The following TRA2A variants were observed in gnomAD, a reference collection of about 807,000 sequenced individuals.
TRA2A encodes transformer 2 alpha homolog.
Under a neutral mutation model 45.7 loss-of-function variants are expected in TRA2A, and 31 were observed. That is an observed-to-expected ratio of 0.68 (90% CI 0.51 to 0.92). TRA2A has a LOEUF of 0.92. TRA2A is among the 40% of genes least tolerant of loss of function. The probability of loss-of-function intolerance (pLI) is 0.00; values close to 1 mark genes in which losing one functional copy is unlikely to be tolerated. For synonymous variants in TRA2A, 132 were observed against 126.2 expected, an observed-to-expected ratio of 1.05 and a Z score of -0.31; for missense variants, 304 against 367.5, an observed-to-expected ratio of 0.83 and a Z score of 1.41.
At chr7:23,513,228 G>A in intron 3 of TRA2A, 146 bp from the exon 4 acceptor site, 1 of 621,988 alleles carries the variant, frequency 1.6e-6, no homozygotes, top group South Asian at 2.5e-5. Context: ...GAGAACTAGA[G>A]CAGATGAGCC....
chr7:23,525,784 C>T (rs763641024), intron 1 of TRA2A, among the ~76,000 whole-genome samples: 6 of 152,182 alleles, frequency 3.9e-5, no homozygotes, highest in East Asian at 3.9e-4. Flanking sequence ...TTAGTAGAGA[C>T]GGGGTTTCAC....
chr7:23,516,003 C>T (rs1033657485), intron 3 of TRA2A, among the ~76,000 whole-genome samples: 1 of 151,936 alleles, frequency 6.6e-6, no homozygotes, highest in Non-Finnish European at 1.5e-5. Context: ...GGTGAAACCC[C>T]ATTTCTAAAA....
At chr7:23,509,311 A>C (rs1188739534) in intron 4 of TRA2A, among the ~76,000 whole-genome samples, 1 of 152,182 alleles carries the variant, frequency 6.6e-6, no homozygotes, top group African/African-American at 2.4e-5. Flanking sequence ...AGTACTTCTT[A>C]CTAAAACAGG....
chr7:23,531,856 A>G lies in TRA2A; in HGVS notation c.-32T>C, dbSNP rs377639677. 1.3e-5 allele frequency: 21 copies of G among 1,613,174 alleles called. No homozygotes were observed. The highest frequency in any genetic ancestry group is 1.4e-5 in the Non-Finnish European group (17 of 1,179,900). On this transcript the variant is annotated 5_prime_UTR_variant, in exon 1 of 8. Coordinates refer to ENST00000297071, the MANE Select transcript of TRA2A (RefSeq NM_013293.5). ...GAGGCGCTCCCCAGAACTAAATAAG[A>G]GACAAGTCTCGGCTCGAGGGCCGAT...
At chr7:23,522,856 C>A (rs1790190374) in intron 1 of TRA2A, among the ~76,000 whole-genome samples, 2 of 152,046 alleles carry the variant, frequency 1.3e-5, no homozygotes. Context: ...TAGAGCAAGG[C>A]ATCCCAGGCT....
chr7:23,516,654 G>T, intron 2 of TRA2A, 126 bp from the exon 3 acceptor site: 2 of 778,428 alleles, frequency 2.6e-6, no homozygotes, highest in South Asian at 1.9e-5. Flanking sequence ...CTGAGGAAAG[G>T]GTATTCTTCC....
At chr7:23,531,626 G>C (rs1348533023) in intron 1 of TRA2A, 163 bp downstream of exon 1, 3 of 693,750 alleles carry the variant, frequency 4.3e-6, no homozygotes, top group Admixed American at 5.4e-5. Flanking sequence ...TTTGGGGAAG[G>C]AGTGGAACCC....
At chr7:23,528,327 C>T (rs1790424348) in intron 1 of TRA2A, among the ~76,000 whole-genome samples, 2 of 151,704 alleles carry the variant, frequency 1.3e-5, no homozygotes, top group Admixed American at 1.3e-4. Context: ...TCTGCCTCAC[C>T]CTCCCGAGTA....
At chr7:23,528,018 C>G (rs1287531917) in intron 1 of TRA2A, among the ~76,000 whole-genome samples, 2 of 151,988 alleles carry the variant, frequency 1.3e-5, no homozygotes, top group African/African-American at 4.8e-5. Flanking sequence ...ATAGATTAAA[C>G]CCAAGACTCT....
At chr7:23,524,236 T>C (rs978041731) in intron 1 of TRA2A, among the ~76,000 whole-genome samples, 1 of 151,992 alleles carries the variant, frequency 6.6e-6, no homozygotes, top group Non-Finnish European at 1.5e-5. Flanking sequence ...CAGGCTGGAG[T>C]GTAATGGTGC....
chr7:23,511,374 A>C, intron 4 of TRA2A, among the ~76,000 whole-genome samples: 1 of 14,162 alleles, frequency 7.1e-5, no homozygotes, highest in Non-Finnish European at 1.3e-4. Flanking sequence ...CCATCTCAAA[A>C]AAAAAAAAAA....
chr7:23,512,789 AAAAAAAGGAAG>A, intron 4 of TRA2A, 94 bp downstream of exon 4: 1 of 991,384 alleles, frequency 1.0e-6, no homozygotes, highest in Non-Finnish European at 1.4e-6. Context: ...AAAAAAAAAG[AAAAAAAGGAAG>A]AAAAAAGGAT....
chr7:23,518,562 C>T (rs191573062), intron 2 of TRA2A, among the ~76,000 whole-genome samples: 1 of 151,682 alleles, frequency 6.6e-6, no homozygotes, highest in East Asian at 1.9e-4. Flanking sequence ...AGGTTGGTCT[C>T]GAACTCCTGA....
intron 7 of TRA2A, 56 bp downstream of exon 7, chr7:23,505,690 G>C: frequency 8.8e-7 from 1 of 1,142,552 alleles, no homozygotes. Flanking sequence ...ATATTCTAAA[G>C]TAAGCCATTA....
chr7:23,508,373 T>C (rs1467358215), intron 4 of TRA2A, among the ~76,000 whole-genome samples: 1 of 149,148 alleles, frequency 6.7e-6, no homozygotes, highest in Non-Finnish European at 1.5e-5. Context: ...GCTTATGCAA[T>C]CCTCCAGCCT....
At chr7:23,507,694 C>T (rs1309129640) in intron 4 of TRA2A, among the ~76,000 whole-genome samples, 159 bp from the exon 5 acceptor site, 1 of 152,190 alleles carries the variant, frequency 6.6e-6, no homozygotes, top group Non-Finnish European at 1.5e-5. Flanking sequence ...CAATTCTAGA[C>T]CTCAACAATG....
At position 23,531,883 on chromosome 7, in the gene TRA2A, G is replaced by A; in HGVS notation, c.-59C>T. The A allele has an allele frequency of 1.3e-6, 2 of 1,587,078 alleles. No individual in the cohort carries two copies. Among genetic ancestry groups the A allele is most frequent in the Non-Finnish European group, 1.7e-6 (2 of 1,158,896 alleles). ...ACAAGTCTCGGCTCGAGGGCCGATG[G>A]CCTAATTAACCCGCTGACTGGACCG... On this transcript the variant is annotated 5_prime_UTR_variant, in exon 1 of 8. Coordinates refer to ENST00000297071, the MANE Select transcript of TRA2A (RefSeq NM_013293.5).
chr7:23,508,715 C>G (rs1314131035), intron 4 of TRA2A, among the ~76,000 whole-genome samples: 2 of 152,108 alleles, frequency 1.3e-5, no homozygotes, highest in South Asian at 2.1e-4. Context: ...AGGATGGTCT[C>G]GATCTCTTGA....
intron 1 of TRA2A, among the ~76,000 whole-genome samples, chr7:23,525,513 T>C (rs1475411877): frequency 6.6e-6 from 1 of 152,234 alleles, no homozygotes; most frequent in Non-Finnish European, 1.5e-5. Flanking sequence ...AAGTCTTAAA[T>C]AGGCCTCCAG....
Sources: gnomAD v4.1 joint callset for allele counts (sites outside exome capture counted in the v4.1 genomes callset) on GRCh38, gnomAD v4.1.1 for gene constraint, MANE v1.5 for transcripts, NCBI Gene and HGNC (gene_info 2026-07-23, HGNC 2026-07-21) for gene names.